The following RYR1 variants were observed in gnomAD, a reference collection of about 807,000 sequenced individuals.
RYR1 encodes ryanodine receptor 1.
Under a neutral mutation model 583.5 loss-of-function variants are expected in RYR1, and 342 were observed. The ratio of observed to expected loss-of-function variants is 0.59; its 90% CI spans 0.54 to 0.64. The LOEUF (loss-of-function observed/expected upper bound fraction) is 0.64, where lower values mean the gene tolerates loss of function less well. Ranked by LOEUF, RYR1 falls within the 30% of genes least tolerant of loss-of-function variation. RYR1 has a pLI of 0.00. For synonymous variants in RYR1, 2,791 were observed against 2,822.5 expected (o/e 0.99, Z 0.35); for missense variants, 6,032 against 6,917.2 (o/e 0.87, Z 4.54).
chr19:38,460,148 C>T (rs1034865624), intron 19 of RYR1, among the ~76,000 whole-genome samples: 1 of 152,130 alleles, frequency 6.6e-6, no homozygotes, highest in Admixed American at 6.5e-5. Context: ...AACCAGAGAC[C>T]CTCCCGCTCT....
At position 38,433,746 on chromosome 19, in the gene RYR1, G is replaced by GGC; in HGVS notation, c.-84_-83insGC. 90 of 520,536 alleles carry GGC rather than the reference G, an allele frequency of 1.7e-4. No homozygotes were observed. The highest frequency in any genetic ancestry group is 3.0e-4 in the South Asian group (19 of 64,390). The allele number at this position is 520,536 out of a possible 1,614,324, so 32.2% of individuals were successfully genotyped here. On this transcript the variant is annotated 5_prime_UTR_variant, in exon 1 of 106. Transcript: ENST00000359596. ...GTGTCTCCAGAGGTCTCCGACCCCA[G>GGC]CCCGCCCCCAGCCCTCCCGCCCAGC...
Position 38,566,950 on chromosome 19 carries a change from C to G in RYR1, c.13477C>G (p.Pro4493Ala), listed in dbSNP as rs149455643. ...GGAGGAGCTCCCGCCAGAGCCAGAG[C>G]CCGAGCCGGAACCAGAGCTGGAGCC... ...VEEELPPEPE[P>A]EPEPELEPEK... The change falls in exon 92 of 106, where the codon CCC (proline) becomes GCC (alanine). Residue 4493 changes from proline to alanine, a missense_variant. Transcript: ENST00000359596. 2.7e-4 allele frequency: 441 copies of G among 1,606,206 alleles called. No homozygotes were observed. Among genetic ancestry groups the G allele is most frequent in the Admixed American group, 1.1e-3 (67 of 58,830 alleles).
At chr19:38,488,850 T>C (rs187732018) in intron 34 of RYR1, among the ~76,000 whole-genome samples, 12 of 152,298 alleles carry the variant, frequency 7.9e-5, no homozygotes, top group Admixed American at 2.6e-4. Flanking sequence ...TGCTGGGAGC[T>C]ATGCAGGCGT....
At chr19:38,533,057 T>C (rs1971813727) in intron 78 of RYR1, among the ~76,000 whole-genome samples, 1 of 146,338 alleles carries the variant, frequency 6.8e-6, no homozygotes, top group Non-Finnish European at 1.5e-5. Context: ...AGGGCCAAGA[T>C]GGGGGAACCT....
rs562076509 is a variant in RYR1 at position 38,529,346 on chromosome 19, G to A, written c.11141+289G>A. 9.8e-5 allele frequency among the ~76,000 whole-genome samples: 15 copies of A among 152,348 alleles called. No individual in the cohort carries two copies. The South Asian group carries it at 2.9e-3, about 29-fold the overall frequency. On this transcript the variant is annotated intron_variant, in intron 76 of 105. Coordinates refer to ENST00000359596, the MANE Select transcript of RYR1 (RefSeq NM_000540.3). ...AATACAATAAATAGCCAGGCTTGGT[G>A]GTGGGCACTTGTAATCCCATCTACT...
chr19:38,484,563 G>T (rs1969188022), intron 33 of RYR1, among the ~76,000 whole-genome samples: 1 of 151,974 alleles, frequency 6.6e-6, no homozygotes, highest in African/African-American at 2.4e-5. Flanking sequence ...AAGCCCCTGT[G>T]AAGTGACATT....
chr19:38,549,896 T>TGTGA (rs1411784957), intron 89 of RYR1, among the ~76,000 whole-genome samples: 15 of 139,174 alleles, frequency 1.1e-4, no homozygotes, highest in Non-Finnish European at 2.1e-4. Flanking sequence ...TGTGTGTGTG[T>TGTGA]GTGTGTGTGT....
At chr19:38,456,838 A>G (rs1399963826) in intron 16 of RYR1, among the ~76,000 whole-genome samples, 1 of 151,298 alleles carries the variant, frequency 6.6e-6, no homozygotes. Flanking sequence ...CGAGGTCAGG[A>G]GATCGAGACC....
In RYR1 at chr19:38,447,133, G is replaced by A. The variant is rs963768888; in HGVS notation, c.800+365G>A. ...CAGCTACTTTGTGGGGCTGAGGTGG[G>A]AGGATCACTCGAGCCCAGCGGGTCA... On this transcript the variant is annotated intron_variant, in intron 9 of 105. Transcript: ENST00000359596. Among the ~76,000 whole-genome samples the A allele has an allele frequency of 5.9e-5, 9 of 152,148 alleles. No homozygotes were observed. In the East Asian group the frequency reaches 1.3e-3, roughly 23 times the overall value.
At position 38,516,102 on chromosome 19, in the gene RYR1, C is replaced by T. The variant is rs1164536545; in HGVS notation, c.9570C>T (p.Leu3190=). 5.2e-6 allele frequency: 8 copies of T among 1,549,164 alleles called. No homozygotes were observed. The highest frequency in any genetic ancestry group is 4.1e-5 in the African/African-American group (3 of 73,050). Reference sequence around the variant, plus strand: ...CGTCTTCCAGGCTTCGGCCAGCCCTCGGGGAGTGCCTGGCCCGTCTGGCAG... The same window carrying T: ...CGTCTTCCAGGCTTCGGCCAGCCCTTGGGGAGTGCCTGGCCCGTCTGGCAG... The part of the protein sequence containing the change: ...NTYVEKLRPA[L]GECLARLAAA... Residue 3190 remains leucine (L), a synonymous_variant, in exon 65 of 106, where the codon CTC becomes CTT. Coordinates refer to ENST00000359596, the MANE Select transcript of RYR1 (RefSeq NM_000540.3).
rs777743254 is a variant in RYR1, at chr19:38,577,886, G to T, written c.14173-32G>T. 3 of 1,613,854 alleles carry T rather than the reference G, an allele frequency of 1.9e-6. No homozygotes were observed. In the Admixed American group the frequency reaches 5.0e-5, roughly 27 times the overall value. ...CACGACACACACCCACACTCCAGCT[G>T]TGTCTACACAGCCTGATGCTCTCTT... On this transcript the variant is annotated intron_variant, in intron 97 of 105. Transcript: ENST00000359596.
At chr19:38,457,377 A>T (rs1967468487) in intron 16 of RYR1, 120 bp from the exon 17 acceptor site, 2 of 1,420,862 alleles carry the variant, frequency 1.4e-6, no homozygotes, top group Admixed American at 3.4e-5. Flanking sequence ...CTCAGTCAAA[A>T]TTGCCACATC....
At chr19:38,582,752 G>A (rs745852654) in intron 101 of RYR1, among the ~76,000 whole-genome samples, 4 of 152,134 alleles carry the variant, frequency 2.6e-5, no homozygotes, top group South Asian at 2.1e-4. Flanking sequence ...AAATTGATGC[G>A]AACTTACTAG....
At chr19:38,477,980 T>C in intron 30 of RYR1, 110 bp downstream of exon 30, 9 of 1,150,088 alleles carry the variant, frequency 7.8e-6, no homozygotes, top group South Asian at 1.4e-5. Context: ...AGGAACTTTC[T>C]GGAGCGGGAG....
chr19:38,435,597 G>C (rs904870097), intron 1 of RYR1, among the ~76,000 whole-genome samples: 37 of 152,050 alleles, frequency 2.4e-4, no homozygotes, highest in African/African-American at 8.9e-4. Flanking sequence ...TTAGCCAGGC[G>C]TGGTGGTGCA....
At chr19:38,545,541 G>A (rs1292670543) in intron 87 of RYR1, among the ~76,000 whole-genome samples, 1 of 152,116 alleles carries the variant, frequency 6.6e-6, no homozygotes, top group Non-Finnish European at 1.5e-5. Context: ...GATCTGGCAC[G>A]GTGGCTCATA....
intron 1 of RYR1, among the ~76,000 whole-genome samples, 200 bp downstream of exon 1, chr19:38,434,074 C>G (rs1359849814): frequency 6.6e-6 from 1 of 152,060 alleles, no homozygotes; most frequent in African/African-American, 2.4e-5. Context: ...GGATTGGGGA[C>G]TCCAGAATGG....
intron 20 of RYR1, among the ~76,000 whole-genome samples, chr19:38,463,105 C>T (rs1468391826): frequency 1.6e-5 from 2 of 125,264 alleles, no homozygotes; most frequent in East Asian, 4.9e-4. Context: ...ACCGTGTTGC[C>T]TAGGCTGGTC....
chr19:38,511,892 G>A (rs1267105945), intron 61 of RYR1, among the ~76,000 whole-genome samples, 180 bp from the exon 62 acceptor site: 2 of 152,076 alleles, frequency 1.3e-5, no homozygotes, highest in Non-Finnish European at 2.9e-5. Context: ...AGAGTGGTTG[G>A]GCTGGGGAGG....
Sources: allele counts gnomAD v4.1 joint callset (sites outside exome capture counted in the v4.1 genomes callset), GRCh38; gene constraint gnomAD v4.1.1; transcripts MANE v1.5; gene names NCBI Gene and HGNC (gene_info 2026-07-23, HGNC 2026-07-21).